IL15: variants seen among roughly 807,000 people sequenced by gnomAD.
IL15 encodes the protein interleukin-15.
Under a neutral mutation model 19.6 loss-of-function variants are expected in IL15, and 11 were observed. That is an observed-to-expected ratio of 0.56 (90% CI 0.35 to 0.93). The LOEUF (loss-of-function observed/expected upper bound fraction) is 0.93. IL15 is among the 40% of genes least tolerant of loss of function. The pLI, the probability that IL15 is intolerant of heterozygous loss-of-function variation, is 0.01. For missense variants in IL15, 197 were observed against 186.5 expected (o/e 1.06, Z -0.33); for synonymous variants, 58 against 59.6 (o/e 0.97, Z 0.12).
At chr4:141,661,940 C>T (rs1408479202) in intron 2 of IL15, among the ~76,000 whole-genome samples, 1 of 152,030 alleles carries the variant, frequency 6.6e-6, no homozygotes, top group African/African-American at 2.4e-5. Flanking sequence ...TTTCTGATTT[C>T]TATTGGGATT....
At chr4:141,661,919 C>T (rs1727804116) in intron 2 of IL15, among the ~76,000 whole-genome samples, 1 of 152,060 alleles carries the variant, frequency 6.6e-6, no homozygotes, top group African/African-American at 2.4e-5. Context: ...ACCCGTCATA[C>T]CTTTATTGTT....
At chr4:141,664,467 A>G (rs981378523) in intron 2 of IL15, among the ~76,000 whole-genome samples, 3 of 152,018 alleles carry the variant, frequency 2.0e-5, no homozygotes, top group African/African-American at 7.2e-5. Context: ...TTCTCCAATC[A>G]CCAAGCATTT....
In IL15 at chr4:141,732,956, T is replaced by C. The variant is rs1347386767; in HGVS notation, c.*108T>C. On this transcript the variant is annotated 3_prime_UTR_variant, in exon 8 of 8. Transcript: ENST00000320650. ...CAAATGTGCTGTCAAAACAAGTTTT[T>C]CTGTCAAGAAGATGATCAGACCTTG... 1 of 1,467,972 alleles carries C rather than the reference T, an allele frequency of 6.8e-7. No individual in the cohort carries two copies. Among genetic ancestry groups the C allele is most frequent in the Non-Finnish European group, 9.0e-7 (1 of 1,112,808 alleles). 90.9% of individuals were successfully genotyped at this position (1,467,972 alleles called of 1,614,324 possible).
chr4:141,685,704 A>T (rs1271645139), intron 2 of IL15, among the ~76,000 whole-genome samples: 1 of 152,204 alleles, frequency 6.6e-6, no homozygotes, highest in Admixed American at 6.5e-5. Context: ...CTACAAATAT[A>T]TCTATTGAGT....
intron 2 of IL15, among the ~76,000 whole-genome samples, chr4:141,701,009 T>G (rs1304143875): frequency 6.6e-6 from 1 of 152,214 alleles, no homozygotes; most frequent in East Asian, 1.9e-4. Context: ...AGAAAAATTT[T>G]CATCCATATT....
intron 1 of IL15, among the ~76,000 whole-genome samples, chr4:141,641,496 G>T (rs1727040515): frequency 6.6e-6 from 1 of 152,008 alleles, no homozygotes; most frequent in South Asian, 2.1e-4. Context: ...ATACACCATA[G>T]AATACTATGC....
At chr4:141,639,581 C>A (rs1228742664) in intron 1 of IL15, among the ~76,000 whole-genome samples, 1 of 152,124 alleles carries the variant, frequency 6.6e-6, no homozygotes, top group African/African-American at 2.4e-5. Context: ...TTCTTCCATA[C>A]AACTAGAAGT....
At chr4:141,698,269 G>A (rs539918236) in intron 2 of IL15, among the ~76,000 whole-genome samples, 1 of 152,112 alleles carries the variant, frequency 6.6e-6, no homozygotes, top group South Asian at 2.1e-4. Context: ...TTGTATCTAT[G>A]TTTAACAGGG....
At position 141,638,797 on chromosome 4, in the gene IL15, T is replaced by C. The variant is rs191966913; in HGVS notation, c.-222+2049T>C. ...AGAAGAGCAGCCCTGAAATGCTGGG[T>C]ACATGTGGATTTTTCTCAGGAAAAT... On this transcript the variant is annotated intron_variant, in intron 1 of 7. Transcript: ENST00000320650. 2.2e-3 allele frequency among the ~76,000 whole-genome samples: 332 copies of C among 152,282 alleles called. 4 individuals are homozygous for C. Among genetic ancestry groups the C allele is most frequent in the Non-Finnish European group, 8.7e-4 (59 of 68,018 alleles).
chr4:141,732,509 A>G (rs1439758423), intron 7 of IL15, among the ~76,000 whole-genome samples: 1 of 152,228 alleles, frequency 6.6e-6, no homozygotes, highest in African/African-American at 2.4e-5. Context: ...TCTGATAGAC[A>G]CAGCTTATTT....
chr4:141,687,988 T>C (rs1728765105), intron 2 of IL15, among the ~76,000 whole-genome samples: 1 of 152,232 alleles, frequency 6.6e-6, no homozygotes, highest in African/African-American at 2.4e-5. Flanking sequence ...TTGGGAGTGC[T>C]GCTTGCTACT....
chr4:141,695,772 C>A (rs540425099), intron 2 of IL15, among the ~76,000 whole-genome samples: 77 of 151,880 alleles, frequency 5.1e-4, no homozygotes, highest in Non-Finnish European at 8.5e-4. Flanking sequence ...AGACTTTTGC[C>A]CATTTTTCAA....
chr4:141,724,033 A>G (rs1473873325), intron 5 of IL15, among the ~76,000 whole-genome samples: 4 of 152,176 alleles, frequency 2.6e-5, no homozygotes, highest in African/African-American at 9.6e-5. Context: ...ACAGCAGAAT[A>G]TACTTTCTTT....
At chr4:141,668,613 C>T in intron 2 of IL15, among the ~76,000 whole-genome samples, 1 of 152,200 alleles carries the variant, frequency 6.6e-6, no homozygotes, top group East Asian at 1.9e-4. Context: ...ACTGGTGTGT[C>T]AGTACTGGAT....
intron 2 of IL15, among the ~76,000 whole-genome samples, chr4:141,663,571 A>G (rs1392289537): frequency 6.6e-6 from 1 of 152,158 alleles, no homozygotes; most frequent in African/African-American, 2.4e-5. Context: ...GGCATGATCT[A>G]ATGTTAATAG....
At position 141,719,411 on chromosome 4, in the gene IL15, C is replaced by G. The variant is rs187453268; in HGVS notation, c.-54C>G. On this transcript the variant is annotated 5_prime_UTR_variant, in exon 3 of 8. Coordinates refer to ENST00000320650, the MANE Select transcript of IL15 (RefSeq NM_000585.5). ...GTGGATGGATGGCTGCTGGAAACCC[C>G]TTGCCATAGCCAGCTCTTCTTCAAT... The G allele has an allele frequency of 1.8e-3, 1,425 of 782,018 alleles. 16 individuals carry two copies. The highest frequency in any genetic ancestry group is 2.4e-4 in the Non-Finnish European group (106 of 437,832). 48.4% of individuals were successfully genotyped at this position (782,018 alleles called of 1,614,324 possible). A position where few individuals can be genotyped will look rare whatever the true frequency, so the allele number is the denominator to read the frequency against.
At chr4:141,710,089 C>T (rs1050059651) in intron 2 of IL15, among the ~76,000 whole-genome samples, 4 of 152,284 alleles carry the variant, frequency 2.6e-5, no homozygotes, top group South Asian at 2.1e-4. Context: ...TGATTTCCTT[C>T]TTTTTATGAC....
chr4:141,672,833 T>G (rs1728218726), intron 2 of IL15, among the ~76,000 whole-genome samples: 1 of 152,238 alleles, frequency 6.6e-6, no homozygotes, highest in Admixed American at 6.5e-5. Context: ...ATCTTTTGAC[T>G]TATAGATATG....
chr4:141,719,605 A>G, intron 3 of IL15, 129 bp downstream of exon 3: 1 of 682,958 alleles, frequency 1.5e-6, no homozygotes, highest in Non-Finnish European at 2.4e-6. Flanking sequence ...GTCTGTTCAC[A>G]TTTGGATTGT....
Sources: gnomAD v4.1 joint callset for allele counts (sites outside exome capture counted in the v4.1 genomes callset) on GRCh38, gnomAD v4.1.1 for gene constraint, MANE v1.5 for transcripts, NCBI Gene and HGNC (gene_info 2026-07-23, HGNC 2026-07-21) for gene names.